NELL2: variants seen among roughly 807,000 people sequenced by gnomAD.
NELL2 encodes neural EGFL like 2.
Under a neutral mutation model 109.6 loss-of-function variants are expected in NELL2, and 41 were observed. The observed-to-expected ratio is 0.37, with a 90% CI of 0.29 to 0.49. The LOEUF (loss-of-function observed/expected upper bound fraction) is 0.49, where lower values mean the gene tolerates loss of function less well. Among genes scored for constraint, NELL2 ranks in the 20% least tolerant of loss-of-function variants. NELL2 has a pLI of 0.98. For missense variants in NELL2, 900 were observed against 1,008.3 expected, an observed-to-expected ratio of 0.89 and a Z score of 1.45; for synonymous variants, 355 against 344.7, an observed-to-expected ratio of 1.03 and a Z score of -0.33.
At chr12:44,556,661 C>T (rs1943267477) in intron 15 of NELL2, among the ~76,000 whole-genome samples, 1 of 152,130 alleles carries the variant, frequency 6.6e-6, no homozygotes, top group African/African-American at 2.4e-5. Context: ...ATCCAGCTCT[C>T]CAGCAGCTAG....
At chr12:44,757,122 C>T (rs1940925083) in intron 9 of NELL2, among the ~76,000 whole-genome samples, 1 of 152,144 alleles carries the variant, frequency 6.6e-6, no homozygotes, top group Non-Finnish European at 1.5e-5. Context: ...GAAATTCATC[C>T]ATGATATGCC....
chr12:44,787,440 CA>C (rs138816608), intron 3 of NELL2, among the ~76,000 whole-genome samples: 35,955 of 151,764 alleles, frequency 0.24, 4,543 homozygotes, highest in South Asian at 0.3. Context: ...TACGGAAAGG[CA>C]AAAAAATTTA....
intron 13 of NELL2, among the ~76,000 whole-genome samples, chr12:44,613,588 A>G (rs1037540166): frequency 6.6e-6 from 1 of 152,140 alleles, no homozygotes; most frequent in African/African-American, 2.4e-5. Context: ...TGAAAACAGA[A>G]AATATTAATT....
chr12:44,629,869 T>A (rs1317582746), intron 13 of NELL2, among the ~76,000 whole-genome samples: 2 of 152,198 alleles, frequency 1.3e-5, no homozygotes, highest in Non-Finnish European at 2.9e-5. Flanking sequence ...GATTTCAGAA[T>A]ATCATCTTGC....
chr12:44,543,156 T>C (rs1394974576), intron 15 of NELL2, among the ~76,000 whole-genome samples: 1 of 152,180 alleles, frequency 6.6e-6, no homozygotes, highest in Non-Finnish European at 1.5e-5. Flanking sequence ...CACCATCATT[T>C]CCACTTGGAT....
chr12:44,550,414 AT>A (rs34399603), intron 15 of NELL2, among the ~76,000 whole-genome samples: 118 of 146,224 alleles, frequency 8.1e-4, no homozygotes, highest in African/African-American at 9.8e-4. Flanking sequence ...TGCCAGGCTA[AT>A]TTTTTTTTTT....
At chr12:44,875,689 C>A in intron 1 of NELL2, 126 bp downstream of exon 1, 1 of 1,596,434 alleles carries the variant, frequency 6.3e-7, no homozygotes, top group Non-Finnish European at 8.5e-7. Flanking sequence ...AACCCGCCCC[C>A]TTACTCCAAG....
chr12:44,546,910 AG>A (rs1294173784), intron 15 of NELL2, among the ~76,000 whole-genome samples: 2 of 152,186 alleles, frequency 1.3e-5, no homozygotes, highest in Non-Finnish European at 2.9e-5. Context: ...AGGAAAAGGA[AG>A]GTAACTGACA....
intron 12 of NELL2, among the ~76,000 whole-genome samples, chr12:44,702,677 A>G (rs1949264235): frequency 6.6e-6 from 1 of 152,212 alleles, no homozygotes. Context: ...AATCTGCATT[A>G]TGAATGGGGA....
chr12:44,648,009 A>G (rs1947157956), intron 13 of NELL2, among the ~76,000 whole-genome samples: 1 of 152,148 alleles, frequency 6.6e-6, no homozygotes, highest in African/African-American at 2.4e-5. Context: ...CAGTGTAGCT[A>G]TTCAGTCTTC....
chr12:44,761,360 C>G (rs139367417), intron 9 of NELL2, among the ~76,000 whole-genome samples: 2,377 of 152,142 alleles, frequency 0.016, 55 homozygotes, highest in African/African-American at 0.05. Context: ...AAGAGCGAAA[C>G]TCCGTCTCAA....
intron 15 of NELL2, among the ~76,000 whole-genome samples, chr12:44,592,631 G>C (rs1044904917): frequency 6.6e-6 from 1 of 152,146 alleles, no homozygotes; most frequent in Non-Finnish European, 1.5e-5. Flanking sequence ...ATACCTACCT[G>C]GTAAGAAAGA....
chr12:44,642,775 G>A (rs369716774), intron 13 of NELL2, among the ~76,000 whole-genome samples: 27 of 152,216 alleles, frequency 1.8e-4, no homozygotes, highest in African/African-American at 6.0e-4. Context: ...CCAGCTACTT[G>A]GGAGGCTGAG....
At chr12:44,720,422 G>T (rs1938705062) in intron 9 of NELL2, among the ~76,000 whole-genome samples, 1 of 152,038 alleles carries the variant, frequency 6.6e-6, no homozygotes, top group Non-Finnish European at 1.5e-5. Flanking sequence ...TTATAAAAAA[G>T]ATTCTATAGC....
chr12:44,797,915 A>T (rs1484736830), intron 3 of NELL2, among the ~76,000 whole-genome samples: 3 of 76,586 alleles, frequency 3.9e-5, no homozygotes, highest in Non-Finnish European at 1.1e-4. Flanking sequence ...AGATGGAATG[A>T]TGGAATAAAA....
chr12:44,791,390 G>A (rs576051222), intron 3 of NELL2, among the ~76,000 whole-genome samples: 31 of 150,084 alleles, frequency 2.1e-4, no homozygotes, highest in Admixed American at 6.0e-4. Flanking sequence ...GGACACAAAG[G>A]CATAAGAATA....
chr12:44,739,675 G>C (rs776761550), intron 9 of NELL2, among the ~76,000 whole-genome samples: 1 of 152,180 alleles, frequency 6.6e-6, no homozygotes, highest in Non-Finnish European at 1.5e-5. Context: ...TGGATCACTT[G>C]AGGTCAGCAG....
intron 15 of NELL2, among the ~76,000 whole-genome samples, chr12:44,598,317 G>A (rs961066678): frequency 6.6e-6 from 1 of 151,830 alleles, no homozygotes; most frequent in Non-Finnish European, 1.5e-5. Context: ...ACTGACCATA[G>A]ATGAGAACCC....
intron 3 of NELL2, among the ~76,000 whole-genome samples, chr12:44,803,060 C>A (rs944316516): frequency 7.2e-5 from 11 of 152,004 alleles, no homozygotes; most frequent in African/African-American, 2.4e-4. Context: ...CATAGTGTGC[C>A]TCCAGATGTG....
Sources: gnomAD v4.1 joint callset for allele counts (sites outside exome capture counted in the v4.1 genomes callset) on GRCh38, gnomAD v4.1.1 for gene constraint, MANE v1.5 for transcripts, NCBI Gene and HGNC (gene_info 2026-07-23, HGNC 2026-07-21) for gene names.